The following PEAK1 variants were observed in gnomAD, a reference collection of about 807,000 sequenced individuals.
PEAK1 encodes the protein pseudopodium enriched atypical kinase 1.
In PEAK1, 54 loss-of-function variants were observed where a neutral mutation model predicts 124.7. That is an observed-to-expected ratio of 0.43 (90% CI 0.35 to 0.54). The LOEUF (loss-of-function observed/expected upper bound fraction) is 0.54. PEAK1 is among the 20% of genes least tolerant of loss of function. The probability of loss-of-function intolerance (pLI) is 0.01; values close to 1 mark genes in which losing one functional copy is unlikely to be tolerated. For synonymous variants in PEAK1, 719 were observed against 760.0 expected (o/e 0.95, Z 0.89); for missense variants, 2,046 against 2,134.5 (o/e 0.96, Z 0.82).
chr15:77,361,178 CA>C (rs892850428), intron 2 of PEAK1, among the ~76,000 whole-genome samples: 4 of 151,692 alleles, frequency 2.6e-5, no homozygotes, highest in African/African-American at 4.8e-5. Flanking sequence ...AGCAAACAAA[CA>C]AAAAAAATCT....
At chr15:77,182,206 A>G (rs907176689) in intron 6 of PEAK1, among the ~76,000 whole-genome samples, 166 bp from the exon 7 acceptor site, 2 of 152,202 alleles carry the variant, frequency 1.3e-5, no homozygotes, top group Admixed American at 1.3e-4. Flanking sequence ...TTAGCCAATC[A>G]GCATTTGGAA....
Position 77,180,943 on chromosome 15 carries a change from A to C in PEAK1, c.984T>G (p.Tyr328Ter). 6.2e-7 allele frequency: 1 copy of C among 1,614,166 alleles called. No homozygotes were observed. The highest frequency in any genetic ancestry group is 1.3e-5 in the African/African-American group (1 of 75,062). The change falls in exon 7 of 10, where the codon TAT (tyrosine) becomes TAG (stop). Residue 328 changes from tyrosine to a stop codon, truncating the protein, a stop_gained. Coordinates refer to ENST00000682557, the MANE Select transcript of PEAK1 (RefSeq NM_001385026.1). LOFTEE classifies it high-confidence loss of function. Reference sequence around the variant, plus strand: ...CCATGCTCTGAATGCTTCCTTGTCCATAAGAGACCACAGAATTTTCCTCAT... The same window carrying C: ...CCATGCTCTGAATGCTTCCTTGTCCCTAAGAGACCACAGAATTTTCCTCAT... ...NGYEENSVVS[Y>*]GQGSIQSMVS...
intron 1 of PEAK1, among the ~76,000 whole-genome samples, chr15:77,371,859 G>A (rs866383588): frequency 3.3e-5 from 5 of 152,198 alleles, no homozygotes; most frequent in Admixed American, 6.5e-5. Context: ...GCTCCAACCC[G>A]GGAGACAGAG....
At position 77,108,461 on chromosome 15, in the gene PEAK1, C is replaced by T. The variant is rs1356103311; in HGVS notation, c.*5695G>A. The T allele has an allele frequency of 1.3e-5, 2 of 152,166 alleles. No individual in the cohort carries two copies. Among genetic ancestry groups the T allele is most frequent in the Non-Finnish European group, 2.9e-5 (2 of 68,042 alleles). The allele number at this position is 152,166 out of a possible 1,614,324, so 9.4% of individuals were successfully genotyped here. On this transcript the variant is annotated 3_prime_UTR_variant, in exon 10 of 10. Transcript: ENST00000682557. ...ATCTTGCTTCTGTATTTGCCTCATG[C>T]CAAAATGCCCTGCATATCCTCAACA...
At chr15:77,146,412 G>C (rs534529290) in intron 8 of PEAK1, among the ~76,000 whole-genome samples, 174 of 152,310 alleles carry the variant, frequency 1.1e-3, no homozygotes, top group African/African-American at 4.0e-3. Context: ...CCATTTTAAA[G>C]AATGTCAGTC....
intron 2 of PEAK1, among the ~76,000 whole-genome samples, chr15:77,325,885 T>A (rs2065542821): frequency 6.6e-6 from 1 of 152,078 alleles, no homozygotes; most frequent in Non-Finnish European, 1.5e-5. Flanking sequence ...TTATATAAAG[T>A]TAAAGTTGGA....
At chr15:77,116,621 TTTCTCTTA>T (rs1241626885) in intron 9 of PEAK1, among the ~76,000 whole-genome samples, 1 of 152,010 alleles carries the variant, frequency 6.6e-6, no homozygotes, top group Non-Finnish European at 1.5e-5. Flanking sequence ...TCTCTCTCTC[TTTCTCTTA>T]TTCTCTAGTT....
chr15:77,321,021 G>A (rs2065177154), intron 2 of PEAK1, among the ~76,000 whole-genome samples: 1 of 152,174 alleles, frequency 6.6e-6, no homozygotes, highest in Non-Finnish European at 1.5e-5. Flanking sequence ...AATACTCCAT[G>A]GTGTATATGT....
In PEAK1 at chr15:77,179,219, G is replaced by C; in HGVS notation, c.2708C>G (p.Thr903Arg). 6.2e-7 allele frequency: 1 copy of C among 1,614,164 alleles called. No individual in the cohort carries two copies. The highest frequency in any genetic ancestry group is 8.5e-7 in the Non-Finnish European group (1 of 1,180,032). The change falls in exon 7 of 10, where the codon ACA becomes AGA. Residue 903 changes from threonine (T) to arginine (R), a missense_variant. Thr to Arg is a moderately conservative substitution (Grantham distance 71). Coordinates refer to ENST00000682557, the MANE Select transcript of PEAK1 (RefSeq NM_001385026.1). ...AGAGTGCAAAACTGATTCAGCTTCT[G>C]TTGACCTGGTAGGGCTGGTTGGCTT... ...WTKPTSPTRSTEAESVLHSEG... is the reference protein window; with the variant it reads ...WTKPTSPTRSREAESVLHSEG...
chr15:77,199,284 C>A (rs1858038913), intron 6 of PEAK1, among the ~76,000 whole-genome samples: 1 of 152,162 alleles, frequency 6.6e-6, no homozygotes, highest in Non-Finnish European at 1.5e-5. Flanking sequence ...TGGTATTAGG[C>A]AATGTCCCTG....
At chr15:77,334,270 T>G in intron 2 of PEAK1, 1 of 985,018 alleles carries the variant, frequency 1.0e-6, no homozygotes, top group Non-Finnish European at 1.2e-6. Context: ...CTAGATTTTC[T>G]GGTAGATCAC....
chr15:77,406,018 A>G (rs986359223), intron 1 of PEAK1, among the ~76,000 whole-genome samples: 1 of 152,206 alleles, frequency 6.6e-6, no homozygotes, highest in African/African-American at 2.4e-5. Flanking sequence ...ATGGGAAGAG[A>G]TATATAAGAC....
chr15:77,308,912 T>C (rs1303250325), intron 2 of PEAK1, among the ~76,000 whole-genome samples: 3 of 152,020 alleles, frequency 2.0e-5, no homozygotes, highest in East Asian at 1.9e-4. Flanking sequence ...CATGAAAAAG[T>C]TACTGTATAC....
intron 9 of PEAK1, among the ~76,000 whole-genome samples, chr15:77,128,790 C>A (rs1487046508): frequency 6.6e-6 from 1 of 152,116 alleles, no homozygotes; most frequent in African/African-American, 2.4e-5. Context: ...ACAAATCATA[C>A]CTTGAATCTC....
chr15:77,262,748 C>T (rs1287535717), intron 5 of PEAK1, among the ~76,000 whole-genome samples: 16 of 152,004 alleles, frequency 1.1e-4, no homozygotes, highest in East Asian at 3.9e-4. Context: ...CTGCACCAAG[C>T]AGACCTAATA....
intron 6 of PEAK1, among the ~76,000 whole-genome samples, chr15:77,209,099 G>C (rs1411964379): frequency 1.3e-5 from 2 of 152,108 alleles, no homozygotes; most frequent in Admixed American, 6.5e-5. Flanking sequence ...CAGGAAATGA[G>C]TGTTGAAAAA....
chr15:77,130,094 A>T (rs536327730), intron 9 of PEAK1, among the ~76,000 whole-genome samples: 1 of 152,332 alleles, frequency 6.6e-6, no homozygotes, highest in East Asian at 1.9e-4. Context: ...TTGGTTTTAC[A>T]TCATTATAAG....
intron 1 of PEAK1, among the ~76,000 whole-genome samples, chr15:77,405,011 GT>G (rs751125559): frequency 5.0e-4 from 71 of 141,556 alleles, no homozygotes; most frequent in Admixed American, 6.4e-4. Flanking sequence ...TTAGTTTTTT[GT>G]TTTTTTTTTT....
At chr15:77,168,582 G>A (rs906559140) in intron 7 of PEAK1, among the ~76,000 whole-genome samples, 2 of 152,126 alleles carry the variant, frequency 1.3e-5, no homozygotes, top group African/African-American at 4.8e-5. Context: ...CTGGCCCATC[G>A]GCCATAGTTT....
Sources: allele counts gnomAD v4.1 joint callset (sites outside exome capture counted in the v4.1 genomes callset), GRCh38; gene constraint gnomAD v4.1.1; transcripts MANE v1.5; gene names NCBI Gene and HGNC (gene_info 2026-07-23, HGNC 2026-07-21).